CDH17: variants seen among roughly 807,000 people sequenced by gnomAD.
CDH17 encodes cadherin 17.
Under a neutral mutation model 86.3 loss-of-function variants are expected in CDH17, and 67 were observed. The observed-to-expected ratio is 0.78, with a 90% confidence interval of 0.64 to 0.95. The LOEUF is 0.95. Ranked by LOEUF, CDH17 falls within the 40% of genes least tolerant of loss-of-function variation. The probability of loss-of-function intolerance (pLI) is 0.00; values close to 1 mark genes in which losing one functional copy is unlikely to be tolerated. For missense variants in CDH17, 993 were observed against 1,017.6 expected, an observed-to-expected ratio of 0.98 and a Z score of 0.33; for synonymous variants, 367 against 366.4, an observed-to-expected ratio of 1.00 and a Z score of -0.02.
chr8:94,127,955 TG>T lies in CDH17; in HGVS notation c.*284del, dbSNP rs1176789506. 1 of 294,242 alleles carries T rather than the reference TG, an allele frequency of 3.4e-6. No homozygotes were observed. Among genetic ancestry groups the T allele is most frequent in the Non-Finnish European group, 6.4e-6 (1 of 157,194 alleles). 18.2% of individuals were successfully genotyped at this position (294,242 alleles called of 1,614,324 possible). ...TAAAAATACAAAAATTAGCTGGGCA[TG>T]GTGGTGGGTGCCTGTAAACCCAGCT... On this transcript the variant is annotated 3_prime_UTR_variant, in exon 18 of 18. Coordinates refer to ENST00000027335, the MANE Select transcript of CDH17 (RefSeq NM_004063.4).
At chr8:94,132,684 G>C (rs1023822028) in intron 15 of CDH17, among the ~76,000 whole-genome samples, 2 of 152,138 alleles carry the variant, frequency 1.3e-5, no homozygotes, top group Admixed American at 1.3e-4. Context: ...GATCCCATTT[G>C]TCAAGTTTGT....
chr8:94,179,118 T>G (rs1466286151), intron 3 of CDH17, among the ~76,000 whole-genome samples: 1 of 151,444 alleles, frequency 6.6e-6, no homozygotes, highest in Non-Finnish European at 1.5e-5. Context: ...TCCTAAGATC[T>G]GAAGTAGCCT....
chr8:94,194,737 T>C, intron 1 of CDH17, 32 bp from the exon 2 acceptor site: 1 of 1,139,194 alleles, frequency 8.8e-7, no homozygotes, highest in Non-Finnish European at 1.3e-6. Flanking sequence ...AAATGGTTAG[T>C]TACCAGTCTG....
In CDH17 at chr8:94,163,405, T is replaced by G. The variant is rs563897433; in HGVS notation, c.1283-1243A>C. Among the ~76,000 whole-genome samples, 10 of 152,354 alleles carry G rather than the reference T, an allele frequency of 6.6e-5. No individual in the cohort carries two copies. In the East Asian group the frequency reaches 1.7e-3, roughly 26 times the overall value. ...GAGGGTAACAGTTGGGTTCTGCCAC[T>G]GAGAGGCGTGGCAAGAGACTGGAGG... On this transcript the variant is annotated intron_variant, in intron 10 of 17. Transcript: ENST00000027335.
intron 10 of CDH17, among the ~76,000 whole-genome samples, chr8:94,164,666 A>G (rs2130625229): frequency 6.6e-6 from 1 of 152,280 alleles, no homozygotes; most frequent in South Asian, 2.1e-4. Context: ...ACAGTGTGAA[A>G]CGTTTCTTGT....
At chr8:94,132,231 T>C (rs771105106) in intron 15 of CDH17, among the ~76,000 whole-genome samples, 33 of 152,214 alleles carry the variant, frequency 2.2e-4, no homozygotes, top group Non-Finnish European at 4.1e-4. Context: ...TTTCAGGTTC[T>C]GTATCCTTGA....
At chr8:94,132,182 G>C (rs564960647) in intron 15 of CDH17, among the ~76,000 whole-genome samples, 1 of 152,180 alleles carries the variant, frequency 6.6e-6, no homozygotes, top group South Asian at 2.1e-4. Flanking sequence ...TAATCCTTTG[G>C]GTATATACCC....
intron 12 of CDH17, among the ~76,000 whole-genome samples, chr8:94,158,277 C>CA (rs1812982810): frequency 1.3e-5 from 2 of 152,026 alleles, no homozygotes; most frequent in Admixed American, 1.3e-4. Context: ...AAGGATGTGA[C>CA]AAAGAGTTTG....
chr8:94,142,546 G>A (rs564538124), intron 15 of CDH17, among the ~76,000 whole-genome samples: 1 of 152,186 alleles, frequency 6.6e-6, no homozygotes, highest in Admixed American at 6.5e-5. Context: ...TTCCTTTCAT[G>A]AGAGAGCCCT....
Position 94,189,211 on chromosome 8 carries a change from T to C in CDH17, c.126A>G (p.Gln42=), listed in dbSNP as rs775083070. The C allele has an allele frequency of 6.2e-7, 1 of 1,613,476 alleles. No homozygotes were observed. Among genetic ancestry groups the C allele is most frequent in the Admixed American group, 1.7e-5 (1 of 59,896 alleles). Residue 42 remains glutamine, a synonymous_variant, in exon 3 of 18, where the codon CAA becomes CAG. Transcript: ENST00000027335. ...KPMTFSIYEG[Q]EPSQIIFQFK... ...CCTGGAATATAATTTGACTCGGTTCTTGGCCTTCATAAATAGAAAATGTCA... is the reference window on the plus strand; with the variant it reads ...CCTGGAATATAATTTGACTCGGTTCCTGGCCTTCATAAATAGAAAATGTCA...
intron 15 of CDH17, among the ~76,000 whole-genome samples, chr8:94,132,872 G>A (rs1031489175): frequency 4.6e-5 from 7 of 152,138 alleles, no homozygotes; most frequent in Non-Finnish European, 1.0e-4. Flanking sequence ...TCCAGTTTCA[G>A]CTTTCTACAT....
chr8:94,130,422 A>C (rs1030366918), intron 17 of CDH17, among the ~76,000 whole-genome samples: 56 of 152,232 alleles, frequency 3.7e-4, no homozygotes, highest in African/African-American at 1.2e-3. Context: ...TAAACTAATA[A>C]GGCAATAGAG....
In CDH17 at chr8:94,151,743, C is replaced by T. The variant is rs559917646; in HGVS notation, c.1796+125G>A. ...TGTTGACAGCTTCCTAAACCAAAGC[C>T]AATTTCATCATTGCTGGGTATGCTG... On this transcript the variant is annotated intron_variant, in intron 13 of 17. Coordinates refer to ENST00000027335, the MANE Select transcript of CDH17 (RefSeq NM_004063.4). The T allele has an allele frequency of 6.2e-6, 8 of 1,290,950 alleles. No individual in the cohort carries two copies. The East Asian group carries it at 1.6e-4, about 27-fold the overall frequency. 80.0% of individuals were successfully genotyped at this position (1,290,950 alleles called of 1,614,324 possible). A position where few individuals can be genotyped will look rare whatever the true frequency, so the allele number is the denominator to read the frequency against.
chr8:94,128,376 CT>C, intron 17 of CDH17, 36 bp from the exon 18 acceptor site: 1 of 1,274,636 alleles, frequency 7.8e-7, no homozygotes, highest in Non-Finnish European at 1.1e-6. Flanking sequence ...TAAATGGGAC[CT>C]TTTAAAATGT....
At chr8:94,181,462 A>G (rs1396918980) in intron 3 of CDH17, among the ~76,000 whole-genome samples, 3 of 152,104 alleles carry the variant, frequency 2.0e-5, no homozygotes, top group African/African-American at 7.2e-5. Context: ...GTATTTGACA[A>G]TTGAATACAA....
intron 2 of CDH17, among the ~76,000 whole-genome samples, chr8:94,189,515 G>A (rs1417843395): frequency 1.3e-5 from 2 of 152,200 alleles, no homozygotes; most frequent in East Asian, 3.8e-4. Flanking sequence ...TGTGAGATGA[G>A]AAGAATCACT....
At chr8:94,159,001 C>CA (rs1274649327) in intron 12 of CDH17, among the ~76,000 whole-genome samples, 2 of 152,150 alleles carry the variant, frequency 1.3e-5, no homozygotes, top group African/African-American at 2.4e-5. Context: ...AACAATTAGC[C>CA]ACCCTTGCAG....
intron 1 of CDH17, among the ~76,000 whole-genome samples, chr8:94,200,356 C>G (rs749169160): frequency 6.6e-6 from 1 of 151,996 alleles, no homozygotes; most frequent in Admixed American, 6.6e-5. Context: ...CCAGAGGATT[C>G]TGTGGCATTT....
chr8:94,206,061 T>C (rs1171070323), intron 1 of CDH17, among the ~76,000 whole-genome samples: 4 of 152,148 alleles, frequency 2.6e-5, no homozygotes, highest in Non-Finnish European at 4.4e-5. Context: ...ATATCATGAA[T>C]GAGAGAATTC....
Sources: allele counts gnomAD v4.1 joint callset (sites outside exome capture counted in the v4.1 genomes callset), GRCh38; gene constraint gnomAD v4.1.1; transcripts MANE v1.5; gene names NCBI Gene and HGNC (gene_info 2026-07-23, HGNC 2026-07-21).